STAU1: variants seen among roughly 807,000 people sequenced by gnomAD.
STAU1 encodes the protein staufen double-stranded RNA binding protein 1, also known as double-stranded RNA-binding protein Staufen homolog 1.
A neutral mutation model predicts 62.9 loss-of-function variants in STAU1; 13 were observed. The ratio of observed to expected loss-of-function variants is 0.21; its 90% CI spans 0.13 to 0.33. The LOEUF is 0.33. Ranked by LOEUF, STAU1 falls within the 10% of genes least tolerant of loss-of-function variation. The probability of loss-of-function intolerance (pLI) is 1.00; values close to 1 mark genes in which losing one functional copy is unlikely to be tolerated. For missense variants in STAU1, 571 were observed against 712.1 expected (o/e 0.80, Z 2.25); for synonymous variants, 269 against 265.1 (o/e 1.01, Z -0.14).
Position 49,154,403 on chromosome 20 carries a change from G to A in STAU1, c.206-332C>T, listed in dbSNP as rs549678919. On this transcript the variant is annotated intron_variant, in intron 3 of 13. Coordinates refer to ENST00000371856, the MANE Select transcript of STAU1 (RefSeq NM_017453.4). The stretch of plus-strand genomic sequence containing the variant: ...AAATTTCACGATTAAAAAATCCCAT[G>A]TAAATGTCCAAATTGTTTTACTGTT... Among the ~76,000 whole-genome samples, 3 of 152,306 alleles carry A rather than the reference G, an allele frequency of 2.0e-5. No homozygotes were observed. The South Asian group carries it at 6.2e-4, about 32-fold the overall frequency.
intron 6 of STAU1, among the ~76,000 whole-genome samples, chr20:49,133,246 AT>A (rs1455718798): frequency 6.6e-6 from 1 of 152,228 alleles, no homozygotes; most frequent in Non-Finnish European, 1.5e-5. Flanking sequence ...TAAAATAGCA[AT>A]CTCTAAGTTT....
Position 49,137,240 on chromosome 20 carries a change from T to G in STAU1, c.511-1309A>C, listed in dbSNP as rs150947035. On this transcript the variant is annotated intron_variant, in intron 5 of 13. Coordinates refer to ENST00000371856, the MANE Select transcript of STAU1 (RefSeq NM_017453.4). ...CATTACAAAACTGCCATGTATCTCA[T>G]ACTCAACGGCTGTTGGCAAAAAAAT... 7.0e-4 allele frequency among the ~76,000 whole-genome samples: 106 copies of G among 152,288 alleles called. 1 individual carries two copies. The highest frequency in any genetic ancestry group is 2.4e-3 in the African/African-American group (101 of 41,560).
the STAU1 span, among the ~76,000 whole-genome samples, chr20:49,196,418 C>G: frequency 7.4e-6 from 1 of 135,348 alleles, no homozygotes. Context: ...GCCTGGGCGA[C>G]AGCGAGACTC....
the STAU1 span, among the ~76,000 whole-genome samples, chr20:49,203,653 A>G: frequency 6.6e-6 from 1 of 152,208 alleles, no homozygotes; most frequent in East Asian, 1.9e-4. Context: ...ATATGCAATA[A>G]TTATTCACAA....
the STAU1 span, among the ~76,000 whole-genome samples, chr20:49,209,215 G>T: frequency 6.7e-6 from 1 of 150,124 alleles, no homozygotes; most frequent in East Asian, 2.0e-4. Context: ...GATTATGGGT[G>T]TAAGCCACCG....
intron 1 of STAU1, among the ~76,000 whole-genome samples, chr20:49,174,703 C>T (rs921336321): frequency 1.4e-4 from 22 of 151,784 alleles, no homozygotes; most frequent in African/African-American, 4.3e-4. Context: ...TTTGGGAGGC[C>T]GAGGCGGGTG....
chr20:49,158,599 C>A, intron 3 of STAU1: 1 of 980,132 alleles, frequency 1.0e-6, no homozygotes, highest in South Asian at 1.4e-5. Context: ...CACTTGAGGT[C>A]AGGAGTTCGA....
At chr20:49,184,267 C>G (rs972835059) in intron 1 of STAU1, among the ~76,000 whole-genome samples, 1 of 151,894 alleles carries the variant, frequency 6.6e-6, no homozygotes, top group Non-Finnish European at 1.5e-5. Flanking sequence ...GTGACAAGAG[C>G]TAAACTCCAT....
chr20:49,209,464 G>A, the STAU1 span, among the ~76,000 whole-genome samples: 1 of 148,080 alleles, frequency 6.8e-6, no homozygotes, highest in Non-Finnish European at 1.5e-5. Flanking sequence ...AAAAAGGAAG[G>A]CCAGACATGG....
In STAU1 at chr20:49,181,729, G is replaced by A. The variant is rs190439099; in HGVS notation, c.-160+6387C>T. Among the ~76,000 whole-genome samples the A allele has an allele frequency of 2.2e-4, 26 of 119,526 alleles. No individual in the cohort carries two copies. The East Asian group carries it at 6.8e-3, about 31-fold the overall frequency. The allele number at this position is 119,526 out of a possible 152,430, so 78.4% of individuals were successfully genotyped here. A position where few individuals can be genotyped will look rare whatever the true frequency, so the allele number is the denominator to read the frequency against. On this transcript the variant is annotated intron_variant, in intron 1 of 13. Coordinates refer to ENST00000371856, the MANE Select transcript of STAU1 (RefSeq NM_017453.4). ...TGCAGTGAGCCGAGATGATACCTCT[G>A]CATTCCAGCCTGGGCAACAGAGCAA... is the stretch of plus-strand genomic sequence containing the variant.
intron 6 of STAU1, among the ~76,000 whole-genome samples, chr20:49,131,537 A>C (rs1413112460): frequency 6.6e-6 from 1 of 152,158 alleles, no homozygotes; most frequent in East Asian, 1.9e-4. Flanking sequence ...AATAATATGT[A>C]TATTTATGGA....
intron 10 of STAU1, 99 bp from the exon 11 acceptor site, chr20:49,118,195 A>G (rs2092377288): frequency 7.1e-7 from 1 of 1,398,754 alleles, no homozygotes; most frequent in South Asian, 1.2e-5. Flanking sequence ...CTTGGCACGC[A>G]TGGCAGCGCA....
chr20:49,189,619 C>CAAAAAA (rs71186430), upstream of STAU1, among the ~76,000 whole-genome samples: 2 of 55,332 alleles, frequency 3.6e-5, no homozygotes, highest in African/African-American at 7.2e-5. Flanking sequence ...GACTCTGTCT[C>CAAAAAA]AAAAAAAAAA....
chr20:49,201,955 T>C, the STAU1 span, among the ~76,000 whole-genome samples: 2 of 151,910 alleles, frequency 1.3e-5, no homozygotes, highest in African/African-American at 2.4e-5. Context: ...GCGCGGTGGC[T>C]CACGCCTGTA....
At chr20:49,140,154 C>T (rs1158786407) in intron 5 of STAU1, among the ~76,000 whole-genome samples, 1 of 151,804 alleles carries the variant, frequency 6.6e-6, no homozygotes, top group African/African-American at 2.4e-5. Context: ...CCACTGCATT[C>T]CAGTCCAGTG....
chr20:49,170,909 A>G (rs905249630), intron 2 of STAU1, among the ~76,000 whole-genome samples: 2 of 152,224 alleles, frequency 1.3e-5, no homozygotes, highest in African/African-American at 4.8e-5. Flanking sequence ...CTGATGTAAG[A>G]TGGATATACA....
At chr20:49,156,595 G>GT (rs1292723377) in intron 3 of STAU1, among the ~76,000 whole-genome samples, 3 of 152,176 alleles carry the variant, frequency 2.0e-5, no homozygotes, top group Non-Finnish European at 4.4e-5. Context: ...AGCAGCAGCT[G>GT]TGTGTTTGAC....
chr20:49,115,936 G>T, intron 12 of STAU1, 69 bp from the exon 13 acceptor site: 1 of 1,393,932 alleles, frequency 7.2e-7, no homozygotes, highest in Non-Finnish European at 1.0e-6. Context: ...ACACTGGTCA[G>T]GCAGGCAAGA....
In STAU1 at chr20:49,115,911, G is replaced by A. The variant is rs536361892; in HGVS notation, c.1633-44C>T. The A allele has an allele frequency of 4.6e-5, 72 of 1,564,840 alleles. 1 individual carries two copies. The South Asian group carries it at 7.0e-4, about 15-fold the overall frequency. On this transcript the variant is annotated intron_variant, in intron 12 of 13. Transcript: ENST00000371856. ...AGGGTAAAGCCACAGCCACCGCTTG[G>A]GACCACAGCATAATACACTGGTCAG...
Sources: allele counts gnomAD v4.1 joint callset (sites outside exome capture counted in the v4.1 genomes callset), GRCh38; gene constraint gnomAD v4.1.1; transcripts MANE v1.5; gene names NCBI Gene and HGNC (gene_info 2026-07-23, HGNC 2026-07-21).